Variants in FRMD3 observed in about 807,000 individuals in gnomAD.
The protein encoded by FRMD3 is FERM domain-containing protein 3.
FRMD3 carries 33 observed loss-of-function variants against 70.2 expected under a neutral mutation model. That is an observed-to-expected ratio of 0.47 (90% CI 0.36 to 0.63). The LOEUF (loss-of-function observed/expected upper bound fraction) is 0.63, where lower values mean the gene tolerates loss of function less well. FRMD3 is among the 20% of genes least tolerant of loss of function. FRMD3 has a pLI of 0.00. For synonymous variants in FRMD3, 279 were observed against 255.9 expected, an observed-to-expected ratio of 1.09 and a Z score of -0.86; for missense variants, 632 against 711.4, an observed-to-expected ratio of 0.89 and a Z score of 1.27.
Position 83,277,924 on chromosome 9 carries a change from G to C in FRMD3, c.1195+12679C>G, listed in dbSNP as rs150018085. Among the ~76,000 whole-genome samples, 843 of 152,284 alleles carry C rather than the reference G, an allele frequency of 5.5e-3. 10 individuals carry two copies. Among genetic ancestry groups the C allele is most frequent in the African/African-American group, 0.019 (781 of 41,538 alleles). On this transcript the variant is annotated intron_variant, in intron 13 of 13. Coordinates refer to ENST00000304195, the MANE Select transcript of FRMD3 (RefSeq NM_174938.6). ...AACAAGGTAAAGTCCTTGCTCTTTTGGAGCTGGTGTTTTAGTTAGGGAAGG... is the reference window on the plus strand; with the variant it reads ...AACAAGGTAAAGTCCTTGCTCTTTTCGAGCTGGTGTTTTAGTTAGGGAAGG...
chr9:83,417,724 G>A (rs1826497089), intron 1 of FRMD3, among the ~76,000 whole-genome samples: 1 of 152,336 alleles, frequency 6.6e-6, no homozygotes, highest in Admixed American at 6.5e-5. Flanking sequence ...TGCAAAGAAA[G>A]TGCATAAATT....
intron 6 of FRMD3, among the ~76,000 whole-genome samples, chr9:83,315,326 G>C (rs931742802): frequency 6.6e-6 from 1 of 152,146 alleles, no homozygotes; most frequent in Non-Finnish European, 1.5e-5. Context: ...TTTTATATTT[G>C]ATGTATCAGC....
At chr9:83,434,940 C>T (rs1047087316) in intron 1 of FRMD3, among the ~76,000 whole-genome samples, 25 of 151,112 alleles carry the variant, frequency 1.7e-4, no homozygotes, top group African/African-American at 6.1e-4. Context: ...GATTCTCCTG[C>T]CTCAGCCTCC....
chr9:83,255,831 C>CCT (rs1832681044), intron 13 of FRMD3, among the ~76,000 whole-genome samples: 1 of 152,004 alleles, frequency 6.6e-6, no homozygotes, highest in Non-Finnish European at 1.5e-5. Context: ...AAGTGAAGGA[C>CCT]CTCTTCAAGG....
Position 83,502,327 on chromosome 9 carries a change from G to A in FRMD3, c.147+35758C>T, listed in dbSNP as rs1268142512. 3.3e-5 allele frequency among the ~76,000 whole-genome samples: 5 copies of A among 152,330 alleles called. No homozygotes were observed. The South Asian group carries it at 6.2e-4, about 19-fold the overall frequency. On this transcript the variant is annotated intron_variant, in intron 1 of 13. Coordinates refer to ENST00000304195, the MANE Select transcript of FRMD3 (RefSeq NM_174938.6). Reference sequence around the variant, plus strand: ...GGTACATTCTAAAGGCATGTTCCCAGTACCAGAAGTAGAGGTGACGTGCCA... The same window carrying A: ...GGTACATTCTAAAGGCATGTTCCCAATACCAGAAGTAGAGGTGACGTGCCA...
chr9:83,490,046 G>A (rs543153534), intron 1 of FRMD3, among the ~76,000 whole-genome samples: 2 of 152,170 alleles, frequency 1.3e-5, no homozygotes, highest in South Asian at 2.1e-4. Context: ...ATACACTGGC[G>A]CCCAGCCCCT....
intron 13 of FRMD3, chr9:83,267,426 C>G: frequency 1.6e-6 from 1 of 606,492 alleles, no homozygotes; most frequent in Non-Finnish European, 2.4e-6. Flanking sequence ...AACAGAGGAC[C>G]CTGTCCAAAT....
upstream of FRMD3, among the ~76,000 whole-genome samples, chr9:83,542,188 C>T (rs916882704): frequency 9.9e-5 from 15 of 152,124 alleles, no homozygotes; most frequent in South Asian, 2.1e-4. Context: ...TAGTGTCTCA[C>T]GCTCAGTGAT....
chr9:83,260,321 A>G (rs1289065268), intron 13 of FRMD3, among the ~76,000 whole-genome samples: 1 of 152,192 alleles, frequency 6.6e-6, no homozygotes, highest in East Asian at 1.9e-4. Context: ...GTTTGTATCC[A>G]TGCCTGTCTG....
intron 1 of FRMD3, among the ~76,000 whole-genome samples, chr9:83,435,216 T>C (rs1171292132): frequency 6.6e-6 from 1 of 152,180 alleles, no homozygotes; most frequent in African/African-American, 2.4e-5. Context: ...GCTACACACA[T>C]GGACTTCCAT....
the FRMD3 span, among the ~76,000 whole-genome samples, chr9:83,559,586 C>T: frequency 6.6e-6 from 1 of 152,110 alleles, no homozygotes; most frequent in East Asian, 1.9e-4. Context: ...ATGTAATTGC[C>T]ATTTTCTAGG....
the FRMD3 span, among the ~76,000 whole-genome samples, chr9:83,569,760 A>G: frequency 6.6e-6 from 1 of 152,164 alleles, no homozygotes; most frequent in Non-Finnish European, 1.5e-5. Context: ...TAATATGGGT[A>G]TTATTTTGAT....
chr9:83,530,204 T>G (rs1024986161), intron 1 of FRMD3, among the ~76,000 whole-genome samples: 1 of 152,220 alleles, frequency 6.6e-6, no homozygotes, highest in African/African-American at 2.4e-5. Context: ...AGCAACATTA[T>G]TCATAATAGC....
chr9:83,453,919 G>A (rs1050924139), intron 1 of FRMD3, among the ~76,000 whole-genome samples: 3 of 151,928 alleles, frequency 2.0e-5, no homozygotes, highest in African/African-American at 7.3e-5. Context: ...GTTTTGCCGT[G>A]TTAGCCAGGA....
At chr9:83,407,838 TC>T (rs1826152041) in intron 1 of FRMD3, among the ~76,000 whole-genome samples, 1 of 16,548 alleles carries the variant, frequency 6.0e-5, no homozygotes, top group African/African-American at 3.1e-4. Flanking sequence ...GGTTGTTGAG[TC>T]TCTCTCTCTC....
intron 1 of FRMD3, among the ~76,000 whole-genome samples, chr9:83,518,442 G>A (rs1829500050): frequency 6.6e-6 from 1 of 152,104 alleles, no homozygotes; most frequent in Non-Finnish European, 1.5e-5. Flanking sequence ...GGGATATGAA[G>A]GACCTCTTGA....
the FRMD3 span, among the ~76,000 whole-genome samples, chr9:83,555,711 G>A: frequency 1.3e-5 from 2 of 152,172 alleles, no homozygotes; most frequent in Non-Finnish European, 1.5e-5. Flanking sequence ...CCACTTTGCT[G>A]GAGCTGCAGC....
At chr9:83,368,773 T>G (rs72743089) in intron 3 of FRMD3, among the ~76,000 whole-genome samples, 6,313 of 152,336 alleles carry the variant, frequency 0.041, 179 homozygotes, top group Non-Finnish European at 0.062. Flanking sequence ...TCATTAGATT[T>G]AAATGGCTAA....
At chr9:83,398,386 T>G (rs2131313445) in intron 1 of FRMD3, among the ~76,000 whole-genome samples, 1 of 152,282 alleles carries the variant, frequency 6.6e-6, no homozygotes, top group South Asian at 2.1e-4. Context: ...TTAAAGCTAT[T>G]TAAATGGGAG....
Sources: allele counts gnomAD v4.1 joint callset (sites outside exome capture counted in the v4.1 genomes callset), GRCh38; gene constraint gnomAD v4.1.1; transcripts MANE v1.5; gene names NCBI Gene and HGNC (gene_info 2026-07-23, HGNC 2026-07-21).